NOL4L: variants seen among roughly 807,000 people sequenced by gnomAD.
NOL4L encodes nucleolar protein 4-like.
NOL4L carries 7 observed loss-of-function variants against 64.5 expected under a neutral mutation model. The observed-to-expected ratio is 0.11, with a 90% CI of 0.06 to 0.20. The LOEUF (loss-of-function observed/expected upper bound fraction) is 0.20. NOL4L is among the 10% of genes least tolerant of loss of function. The probability of loss-of-function intolerance (pLI) is 1.00; values close to 1 mark genes in which losing one functional copy is unlikely to be tolerated. For missense variants in NOL4L, 680 were observed against 967.1 expected, an observed-to-expected ratio of 0.70 and a Z score of 3.94; for synonymous variants, 413 against 401.0, an observed-to-expected ratio of 1.03 and a Z score of -0.36.
chr20:32,543,618 C>T (rs1338012225), intron 1 of NOL4L, among the ~76,000 whole-genome samples: 4 of 133,608 alleles, frequency 3.0e-5, no homozygotes, highest in Non-Finnish European at 6.5e-5. Flanking sequence ...GACTCTGTCA[C>T]AAAAAAAAAA....
At chr20:32,522,024 T>C (rs1218442689) in intron 2 of NOL4L, among the ~76,000 whole-genome samples, 1 of 152,228 alleles carries the variant, frequency 6.6e-6, no homozygotes, top group African/African-American at 2.4e-5. Flanking sequence ...GGTTTGCTCC[T>C]TTAGAAATGC....
chr20:32,470,088 A>C (rs1440826102), intron 5 of NOL4L, among the ~76,000 whole-genome samples: 1 of 152,174 alleles, frequency 6.6e-6, no homozygotes, highest in Non-Finnish European at 1.5e-5. Context: ...CCGACTGCCC[A>C]CCCTGCAGAA....
In NOL4L at chr20:32,585,112, G is replaced by A; in HGVS notation, c.-222C>T. The A allele has an allele frequency of 1.3e-5, 2 of 153,022 alleles. No individual in the cohort carries two copies. The highest frequency in any genetic ancestry group is 2.8e-5 in the Non-Finnish European group (2 of 70,418). The allele number at this position is 153,022 out of a possible 1,614,324, so 9.5% of individuals were successfully genotyped here. On this transcript the variant is annotated 5_prime_UTR_variant, in exon 1 of 11. Transcript: ENST00000621426. ...GGGCGGCGGCGGCGGCGTTGGCGGC[G>A]GCGGCTCCGGCTCGCCTCCTGCTCC...
At chr20:32,503,742 A>G (rs879935696) in intron 4 of NOL4L, among the ~76,000 whole-genome samples, 5 of 152,204 alleles carry the variant, frequency 3.3e-5, no homozygotes, top group Non-Finnish European at 7.4e-5. Context: ...AAAGCTTAAC[A>G]GCCCTCCTCA....
At chr20:32,503,937 T>C (rs1055746642) in intron 4 of NOL4L, among the ~76,000 whole-genome samples, 6 of 152,228 alleles carry the variant, frequency 3.9e-5, no homozygotes, top group Non-Finnish European at 7.3e-5. Flanking sequence ...ATGTCTTTTG[T>C]AAATACCCAA....
At chr20:32,505,215 C>A (rs1477357686) in intron 4 of NOL4L, among the ~76,000 whole-genome samples, 1 of 152,082 alleles carries the variant, frequency 6.6e-6, no homozygotes, top group Non-Finnish European at 1.5e-5. Context: ...TTTGTGTCTG[C>A]CCATATTTTG....
chr20:32,541,664 G>A (rs530141951), intron 1 of NOL4L, among the ~76,000 whole-genome samples: 1 of 152,354 alleles, frequency 6.6e-6, no homozygotes, highest in Non-Finnish European at 1.5e-5. Flanking sequence ...CCACAAACTG[G>A]CCTTTGTTCC....
At chr20:32,564,499 A>T (rs1166724716) in intron 1 of NOL4L, among the ~76,000 whole-genome samples, 1 of 152,196 alleles carries the variant, frequency 6.6e-6, no homozygotes, top group African/African-American at 2.4e-5. Flanking sequence ...AGCTTGTACT[A>T]TTCTATGATC....
chr20:32,462,252 C>T (rs1600666437), intron 5 of NOL4L, among the ~76,000 whole-genome samples: 1 of 152,224 alleles, frequency 6.6e-6, no homozygotes, highest in Non-Finnish European at 1.5e-5. Context: ...CTAATAATTT[C>T]CTTATTGGTT....
chr20:32,564,047 G>T (rs1291659180), intron 1 of NOL4L, among the ~76,000 whole-genome samples: 3 of 152,178 alleles, frequency 2.0e-5, no homozygotes, highest in African/African-American at 7.2e-5. Flanking sequence ...GGACAAAGGC[G>T]CCCTTGGCTG....
At chr20:32,468,061 G>T (rs1235324284) in intron 5 of NOL4L, among the ~76,000 whole-genome samples, 1 of 152,176 alleles carries the variant, frequency 6.6e-6, no homozygotes, top group Non-Finnish European at 1.5e-5. Flanking sequence ...GAGCTCCTGG[G>T]GGCATGCCAG....
intron 1 of NOL4L, among the ~76,000 whole-genome samples, chr20:32,543,056 C>G (rs911193591): frequency 3.3e-5 from 5 of 152,234 alleles, no homozygotes; most frequent in Non-Finnish European, 7.4e-5. Flanking sequence ...TGATCATTAC[C>G]ATGTCGAGTG....
chr20:32,459,124 C>T (rs972099152), intron 5 of NOL4L, among the ~76,000 whole-genome samples: 4 of 152,174 alleles, frequency 2.6e-5, no homozygotes, highest in Non-Finnish European at 5.9e-5. Context: ...GGGTAAGACC[C>T]GTAAGGCACC....
chr20:32,511,213 A>G, intron 4 of NOL4L, 134 bp downstream of exon 4: 1 of 606,896 alleles, frequency 1.6e-6, no homozygotes, highest in East Asian at 2.8e-5. Flanking sequence ...TGGACAACCC[A>G]GATAACCAGA....
At chr20:32,488,819 T>TC (rs2016282611) in intron 4 of NOL4L, among the ~76,000 whole-genome samples, 2 of 18,006 alleles carry the variant, frequency 1.1e-4, no homozygotes, top group Non-Finnish European at 9.2e-5. Context: ...CTTTCTTTCT[T>TC]TCTTTCTTTT....
At chr20:32,452,747 TTG>T in intron 9 of NOL4L, 135 bp downstream of exon 9, 1 of 1,376,994 alleles carries the variant, frequency 7.3e-7, no homozygotes. Context: ...CCTCCTCTCC[TTG>T]TCTTTGCCCT....
chr20:32,451,933 A>C (rs1442675725), intron 10 of NOL4L, among the ~76,000 whole-genome samples: 1 of 152,192 alleles, frequency 6.6e-6, no homozygotes, highest in African/African-American at 2.4e-5. Flanking sequence ...GGGGAGTGGA[A>C]CCAGTGAGAG....
intron 1 of NOL4L, among the ~76,000 whole-genome samples, chr20:32,551,476 T>C (rs1287679089): frequency 6.6e-6 from 1 of 152,162 alleles, no homozygotes; most frequent in East Asian, 1.9e-4. Flanking sequence ...TTGACCAAAA[T>C]GTCTTTAAGT....
At chr20:32,532,114 T>A (rs2018367627) in intron 1 of NOL4L, among the ~76,000 whole-genome samples, 1 of 152,250 alleles carries the variant, frequency 6.6e-6, no homozygotes, top group African/African-American at 2.4e-5. Flanking sequence ...CCTGGTCCAA[T>A]GTGACCATAA....
Sources: allele counts gnomAD v4.1 joint callset (sites outside exome capture counted in the v4.1 genomes callset), GRCh38; gene constraint gnomAD v4.1.1; transcripts MANE v1.5; gene names NCBI Gene and HGNC (gene_info 2026-07-23, HGNC 2026-07-21).